CDH17: variants seen among roughly 807,000 people sequenced by gnomAD.
CDH17 encodes the protein cadherin 17, also known as cadherin-17.
A neutral mutation model predicts 86.3 loss-of-function variants in CDH17; 67 were observed. The ratio of observed to expected loss-of-function variants is 0.78; its 90% CI spans 0.64 to 0.95. The LOEUF (loss-of-function observed/expected upper bound fraction) is 0.95, where lower values mean the gene tolerates loss of function less well. CDH17 is among the 40% of genes least tolerant of loss of function. The pLI is 0.00. For missense variants in CDH17, 993 were observed against 1,017.6 expected (o/e 0.98, Z 0.33); for synonymous variants, 367 against 366.4 (o/e 1.00, Z -0.02).
chr8:94,176,770 AC>A, intron 4 of CDH17, 91 bp from the exon 5 acceptor site: 1 of 1,295,686 alleles, frequency 7.7e-7, no homozygotes, highest in Non-Finnish European at 1.1e-6. Flanking sequence ...AACTCAAAGA[AC>A]CAATGGCCTG....
At chr8:94,213,275 A>G (rs775118798), upstream of CDH17, among the ~76,000 whole-genome samples, 4 of 152,182 alleles carry the variant, frequency 2.6e-5, no homozygotes, top group Middle Eastern at 3.2e-3. Flanking sequence ...CCTGGCTGGC[A>G]CTCTGGATTT....
At chr8:94,183,314 CTT>C (rs1365013278) in intron 3 of CDH17, among the ~76,000 whole-genome samples, 2 of 152,156 alleles carry the variant, frequency 1.3e-5, no homozygotes, top group African/African-American at 2.4e-5. Context: ...AGTAGGAAGA[CTT>C]AACGTTCTCT....
intron 10 of CDH17, among the ~76,000 whole-genome samples, chr8:94,163,190 C>G (rs984490265): frequency 2.0e-5 from 3 of 152,240 alleles, no homozygotes; most frequent in African/African-American, 7.2e-5. Context: ...ATTTAATTAA[C>G]AGATGAGGAA....
At chr8:94,160,415 CT>C (rs1348095951) in intron 11 of CDH17, among the ~76,000 whole-genome samples, 3 of 152,172 alleles carry the variant, frequency 2.0e-5, no homozygotes, top group Non-Finnish European at 4.4e-5. Context: ...CAAATTCCCC[CT>C]CCCATATCCA....
intron 3 of CDH17, among the ~76,000 whole-genome samples, chr8:94,188,092 GGCTCATTCCTGGACCCAC>G (rs1563584913): frequency 6.6e-6 from 1 of 152,042 alleles, no homozygotes. Context: ...CATTGGTGGG[GGCTCATTCCTGGACCCAC>G]GCAGATACCA....
intron 10 of CDH17, among the ~76,000 whole-genome samples, chr8:94,165,452 C>A (rs1478659834): frequency 1.3e-5 from 2 of 152,128 alleles, no homozygotes; most frequent in Non-Finnish European, 2.9e-5. Flanking sequence ...ATGACTCTCC[C>A]AGCCTTCTTT....
intron 15 of CDH17, among the ~76,000 whole-genome samples, chr8:94,144,418 T>C (rs751275967): frequency 6.6e-6 from 1 of 151,976 alleles, no homozygotes; most frequent in Non-Finnish European, 1.5e-5. Context: ...GTTGGAAAAA[T>C]GGCACCAAGA....
intron 15 of CDH17, among the ~76,000 whole-genome samples, chr8:94,139,059 T>C (rs1271660202): frequency 6.6e-6 from 1 of 152,036 alleles, no homozygotes; most frequent in African/African-American, 2.4e-5. Flanking sequence ...ACATATTACA[T>C]AAATAGTGGG....
At chr8:94,180,943 CA>C (rs59930370) in intron 3 of CDH17, among the ~76,000 whole-genome samples, 5,821 of 69,754 alleles carry the variant, frequency 0.083, 305 homozygotes, top group African/African-American at 0.22. Flanking sequence ...ACAAACAAAC[CA>C]AAAAAAAAAA....
At chr8:94,170,304 T>C (rs1813241858) in intron 9 of CDH17, 93 bp downstream of exon 9, 2 of 1,308,296 alleles carry the variant, frequency 1.5e-6, no homozygotes, top group Non-Finnish European at 2.1e-6. Flanking sequence ...CATGGATTAC[T>C]GACTCCCAGT....
At chr8:94,165,328 C>T (rs187437269) in intron 10 of CDH17, among the ~76,000 whole-genome samples, 7 of 152,258 alleles carry the variant, frequency 4.6e-5, no homozygotes, top group East Asian at 1.9e-4. Context: ...TTAGACTCCC[C>T]GACAGCTGTG....
At chr8:94,176,779 C>T in intron 4 of CDH17, 100 bp from the exon 5 acceptor site, 1 of 1,206,852 alleles carries the variant, frequency 8.3e-7, no homozygotes, top group Non-Finnish European at 1.2e-6. Context: ...AACCAATGGC[C>T]TGGTGACTGT....
intron 3 of CDH17, among the ~76,000 whole-genome samples, chr8:94,183,428 A>G (rs1813519866): frequency 6.6e-6 from 1 of 152,128 alleles, no homozygotes; most frequent in South Asian, 2.1e-4. Context: ...AAACAATTCA[A>G]TTGATTTCTG....
chr8:94,153,768 G>A (rs1247471283), intron 12 of CDH17, among the ~76,000 whole-genome samples: 3 of 152,270 alleles, frequency 2.0e-5, no homozygotes, highest in Middle Eastern at 3.4e-3. Flanking sequence ...GAACCTAGAA[G>A]ATATTACGGT....
intron 1 of CDH17, among the ~76,000 whole-genome samples, chr8:94,198,719 C>G (rs1339209998): frequency 1.3e-5 from 2 of 152,164 alleles, no homozygotes; most frequent in African/African-American, 4.8e-5. Flanking sequence ...CAGCCAAGCT[C>G]TCACCCCTGC....
In CDH17 at chr8:94,170,975, T is replaced by G; in HGVS notation, c.794A>C (p.Asn265Thr). The G allele has an allele frequency of 6.2e-7, 1 of 1,613,700 alleles. No individual in the cohort carries two copies. Reference sequence around the variant, plus strand: ...TAAGGAATATTGTGCACCGGGATCATTCCACCGCACCTACAGGGCCCAAAG... The same window carrying G: ...TAAGGAATATTGTGCACCGGGATCAGTCCACCGCACCTACAGGGCCCAAAG... ...HPIKITQVRWNDPGAQYSLVD... is the reference protein window; with the variant it reads ...HPIKITQVRWTDPGAQYSLVD... The change falls in exon 8 of 18, where the codon AAT becomes ACT. Residue 265 changes from asparagine to threonine, a missense_variant. Asn to Thr is a moderately conservative substitution (Grantham distance 65). Coordinates refer to ENST00000027335, the MANE Select transcript of CDH17 (RefSeq NM_004063.4).
At position 94,173,855 on chromosome 8, in the gene CDH17, G is replaced by A; in HGVS notation, c.725C>T (p.Pro242Leu). The A allele has an allele frequency of 6.2e-7, 1 of 1,613,784 alleles. No homozygotes were observed. The highest frequency in any genetic ancestry group is 8.5e-7 in the Non-Finnish European group (1 of 1,179,854). The change falls in exon 7 of 18, where the codon CCA becomes CTA. Residue 242 changes from proline (P) to leucine (L), a missense_variant. Coordinates refer to ENST00000027335, the MANE Select transcript of CDH17 (RefSeq NM_004063.4). Reference protein sequence around the residue: ...IIVTENIWKAPKPVEMVENST... With the variant: ...IIVTENIWKALKPVEMVENST... ...GTTTTCCACCATCTCCACAGGTTTT[G>A]GTGCTTTCCAAATATTCTCTGTCAC...
chr8:94,137,991 A>G (rs776388201), intron 15 of CDH17, among the ~76,000 whole-genome samples: 1 of 152,170 alleles, frequency 6.6e-6, no homozygotes, highest in Non-Finnish European at 1.5e-5. Context: ...AAGTCATAAC[A>G]TTTATAGGCC....
intron 3 of CDH17, among the ~76,000 whole-genome samples, chr8:94,184,340 A>C (rs1405463449): frequency 6.6e-6 from 1 of 152,214 alleles, no homozygotes; most frequent in Non-Finnish European, 1.5e-5. Flanking sequence ...ATCAATTGAC[A>C]CATGGATATC....
Sources: gnomAD v4.1 joint callset for allele counts (sites outside exome capture counted in the v4.1 genomes callset) on GRCh38, gnomAD v4.1.1 for gene constraint, MANE v1.5 for transcripts, NCBI Gene and HGNC (gene_info 2026-07-23, HGNC 2026-07-21) for gene names.